SLC12A6: variants seen among roughly 807,000 people sequenced by gnomAD.
SLC12A6 encodes the protein K-Cl cotransporter 3.
A neutral mutation model predicts 135.3 loss-of-function variants in SLC12A6; 66 were observed. The observed-to-expected ratio is 0.49, with a 90% CI of 0.40 to 0.60. The LOEUF is 0.60. SLC12A6 is among the 20% of genes least tolerant of loss of function. The probability of loss-of-function intolerance (pLI) is 0.00; values close to 1 mark genes in which losing one functional copy is unlikely to be tolerated. For synonymous variants in SLC12A6, 513 were observed against 508.8 expected (o/e 1.01, Z -0.11); for missense variants, 1,058 against 1,452.3 (o/e 0.73, Z 4.41).
intron 2 of SLC12A6, among the ~76,000 whole-genome samples, chr15:34,285,844 A>G (rs1341938744): frequency 1.3e-5 from 2 of 152,108 alleles, no homozygotes; most frequent in Non-Finnish European, 2.9e-5. Context: ...GGCAAATACC[A>G]TATGATTCCA....
chr15:34,262,855 G>A (rs1408757976), intron 3 of SLC12A6, among the ~76,000 whole-genome samples: 3 of 152,182 alleles, frequency 2.0e-5, no homozygotes, highest in Non-Finnish European at 2.9e-5. Context: ...CAATTGCCAC[G>A]GCTGCAGGAT....
In SLC12A6 at chr15:34,231,239, G is replaced by T. The variant is rs781763306; in HGVS notation, c.*2642C>A. 2.0e-5 allele frequency: 3 copies of T among 152,398 alleles called. No homozygotes were observed. The highest frequency in any genetic ancestry group is 4.4e-5 in the Non-Finnish European group (3 of 68,276). 9.4% of individuals were successfully genotyped at this position (152,398 alleles called of 1,614,324 possible). A position where few individuals can be genotyped will look rare whatever the true frequency, so the allele number is the denominator to read the frequency against. ...TAGCTGGGTGTGGTGGCACATGCTT[G>T]TAATTCCAGCTACTCGGGAGGCTGA... On this transcript the variant is annotated 3_prime_UTR_variant, in exon 26 of 26. Transcript: ENST00000354181.
chr15:34,320,644 A>T (rs1424830486), intron 2 of SLC12A6, among the ~76,000 whole-genome samples: 3 of 149,756 alleles, frequency 2.0e-5, no homozygotes, highest in Non-Finnish European at 4.4e-5. Flanking sequence ...AGGCTGGGTG[A>T]GGTGGCTCAT....
At chr15:34,324,173 C>T in intron 2 of SLC12A6, among the ~76,000 whole-genome samples, 1 of 152,032 alleles carries the variant, frequency 6.6e-6, no homozygotes, top group Non-Finnish European at 1.5e-5. Flanking sequence ...AAAACCCAAG[C>T]AGGAAACAGC....
At chr15:34,323,753 C>T (rs1472769161) in intron 2 of SLC12A6, among the ~76,000 whole-genome samples, 2 of 152,046 alleles carry the variant, frequency 1.3e-5, no homozygotes, top group African/African-American at 2.4e-5. Flanking sequence ...GAGTTTGAGA[C>T]TAGCCTGGGC....
chr15:34,269,260 A>C (rs1893742164), intron 3 of SLC12A6, among the ~76,000 whole-genome samples: 2 of 152,204 alleles, frequency 1.3e-5, no homozygotes, highest in Admixed American at 1.3e-4. Flanking sequence ...AACTGATAGG[A>C]TAATTCTACT....
intron 2 of SLC12A6, among the ~76,000 whole-genome samples, chr15:34,284,274 TTTC>T (rs1595496206): frequency 7.4e-6 from 1 of 135,838 alleles, no homozygotes; most frequent in East Asian, 2.0e-4. Flanking sequence ...CTTTGTTTCT[TTTC>T]TTTTTTTTTT....
At chr15:34,252,453 G>A (rs1451564790) in intron 9 of SLC12A6, 69 bp from the exon 10 acceptor site, 2 of 916,046 alleles carry the variant, frequency 2.2e-6, no homozygotes, top group East Asian at 2.5e-5. Context: ...AAGGAAACAG[G>A]TTAGTAAAGG....
chr15:34,293,735 G>A (rs567340370), intron 2 of SLC12A6, among the ~76,000 whole-genome samples: 43 of 152,306 alleles, frequency 2.8e-4, no homozygotes, highest in African/African-American at 9.4e-4. Context: ...CAGTAGCTGG[G>A]ACTACAGGCA....
intron 2 of SLC12A6, among the ~76,000 whole-genome samples, chr15:34,305,552 GA>G (rs1896550196): frequency 6.6e-6 from 1 of 151,890 alleles, no homozygotes; most frequent in Non-Finnish European, 1.5e-5. Context: ...GTTGACAACA[GA>G]TTAGCAGTGA....
intron 3 of SLC12A6, among the ~76,000 whole-genome samples, chr15:34,268,664 T>C (rs1333240747): frequency 6.6e-6 from 1 of 152,170 alleles, no homozygotes; most frequent in South Asian, 2.1e-4. Context: ...CCAGATGGAA[T>C]GGAACTTCTA....
Position 34,336,527 on chromosome 15 carries a change from G to A in SLC12A6, c.154C>T (p.Pro52Ser). 1 of 1,613,974 alleles carries A rather than the reference G, an allele frequency of 6.2e-7. No homozygotes were observed. Among genetic ancestry groups the A allele is most frequent in the East Asian group, 2.2e-5 (1 of 44,864 alleles). Residue 52 changes from proline to serine, a missense_variant, in exon 2 of 26, where the codon CCT becomes TCT. Physicochemically the swap from Pro to Ser is moderately conservative, Grantham distance 74 (BLOSUM62 -1). This residue lies in a region of SLC12A6 where 176 missense variants were observed against 168.9 expected (regional missense o/e 1.04). Coordinates refer to ENST00000354181, the MANE Select transcript of SLC12A6 (RefSeq NM_001365088.1). ...ATAGGCTCACTCCGGCTTGTTTCAGGCACGCTTTCCCGGGAGCTAAATCTT... is the reference window on the plus strand; with the variant it reads ...ATAGGCTCACTCCGGCTTGTTTCAGACACGCTTTCCCGGGAGCTAAATCTT... ...RVRFSSRESV[P>S]ETSRSEPMSE...
intron 2 of SLC12A6, among the ~76,000 whole-genome samples, chr15:34,316,354 T>C (rs757741404): frequency 5.3e-5 from 8 of 152,048 alleles, no homozygotes; most frequent in Admixed American, 1.3e-4. Flanking sequence ...AAGCAACTGC[T>C]CCAAAAAATC....
intron 2 of SLC12A6, among the ~76,000 whole-genome samples, chr15:34,297,259 C>T (rs1895937108): frequency 6.6e-6 from 1 of 152,062 alleles, no homozygotes; most frequent in African/African-American, 2.4e-5. Flanking sequence ...CTATTTATGG[C>T]AAGCATGCTG....
chr15:34,260,963 C>T lies in SLC12A6; in HGVS notation c.374G>A (p.Gly125Glu), dbSNP rs759907642. The T allele has an allele frequency of 1.9e-6, 3 of 1,563,744 alleles. No individual in the cohort carries two copies. The highest frequency in any genetic ancestry group is 1.7e-4 in the Middle Eastern group (1 of 5,990). The change falls in exon 4 of 26, where the codon GGA becomes GAA. Residue 125 changes from glycine to glutamate, a missense_variant. Physicochemically the swap from Gly to Glu is moderately conservative, Grantham distance 98. This residue lies in a region of SLC12A6 where 176 missense variants were observed against 168.9 expected (regional missense o/e 1.04). Transcript: ENST00000354181. ...AYLNNSNYEE[G>E]DEYFDKNLAL... ...CAAATTTTTATCAAAATATTCATCT[C>T]CTTCTTCATAATTGGAATTATTGAG... is the stretch of plus-strand genomic sequence containing the variant.
chr15:34,283,301 C>T (rs1453555565), intron 2 of SLC12A6, among the ~76,000 whole-genome samples: 1 of 152,090 alleles, frequency 6.6e-6, no homozygotes, highest in Non-Finnish European at 1.5e-5. Context: ...GGAGACTGCA[C>T]CATTGCACTC....
At chr15:34,302,957 C>CAA (rs35647149) in intron 2 of SLC12A6, among the ~76,000 whole-genome samples, 171 of 82,180 alleles carry the variant, frequency 2.1e-3, no homozygotes, top group Non-Finnish European at 2.8e-3. Context: ...GACCCTGTCT[C>CAA]AAAAAAAAAA....
chr15:34,248,917 G>A (rs1360251740), intron 13 of SLC12A6, among the ~76,000 whole-genome samples: 1 of 152,120 alleles, frequency 6.6e-6, no homozygotes, highest in Non-Finnish European at 1.5e-5. Context: ...AAATAACACA[G>A]ACAAATGTGT....
intron 2 of SLC12A6, among the ~76,000 whole-genome samples, chr15:34,303,842 C>T (rs1896422391): frequency 6.6e-6 from 1 of 152,164 alleles, no homozygotes; most frequent in South Asian, 2.1e-4. Context: ...GACTTTCCAG[C>T]CTCCAGAACC....
Sources: gnomAD v4.1 joint callset for allele counts (sites outside exome capture counted in the v4.1 genomes callset) on GRCh38, gnomAD v4.1.1 for gene constraint, gnomAD v4.1.1 regional missense constraint, MANE v1.5 for transcripts, NCBI Gene and HGNC (gene_info 2026-07-23, HGNC 2026-07-21) for gene names.